SLC16A10: variants seen among roughly 807,000 people sequenced by gnomAD.
SLC16A10 encodes the protein solute carrier family 16 member 10.
Under a neutral mutation model 40.0 loss-of-function variants are expected in SLC16A10, and 27 were observed. That is an observed-to-expected ratio of 0.67 (90% CI 0.50 to 0.93). The LOEUF (loss-of-function observed/expected upper bound fraction) is 0.93. SLC16A10 is among the 40% of genes least tolerant of loss of function. SLC16A10 has a pLI of 0.00. For missense variants in SLC16A10, 529 were observed against 658.2 expected, an observed-to-expected ratio of 0.80 and a Z score of 2.15; for synonymous variants, 213 against 249.8, an observed-to-expected ratio of 0.85 and a Z score of 1.39.
intron 4 of SLC16A10, among the ~76,000 whole-genome samples, chr6:111,211,150 G>T (rs758032412): frequency 1.3e-5 from 2 of 152,172 alleles, no homozygotes; most frequent in Non-Finnish European, 2.9e-5. Flanking sequence ...TGCAAGAGGG[G>T]AGGAAGACCT....
chr6:111,115,735 T>G (rs781591692), intron 1 of SLC16A10, among the ~76,000 whole-genome samples: 38 of 152,182 alleles, frequency 2.5e-4, no homozygotes, highest in Non-Finnish European at 4.0e-4. Flanking sequence ...AGTAGTATCA[T>G]GCCTAGAGAT....
At position 111,224,535 on chromosome 6, in the gene SLC16A10, T is replaced by C. The variant is rs1324834839; in HGVS notation, c.*2300T>C. 2 of 152,212 alleles carry C rather than the reference T, an allele frequency of 1.3e-5. No homozygotes were observed. 9.4% of individuals were successfully genotyped at this position (152,212 alleles called of 1,614,324 possible). A position where few individuals can be genotyped will look rare whatever the true frequency, so the allele number is the denominator to read the frequency against. On this transcript the variant is annotated 3_prime_UTR_variant, in exon 6 of 6. Transcript: ENST00000368851. ...ATATTAAACTTCACATATGTAGTTT[T>C]CAGTTTAATGGAATGAATCAAACTG...
At chr6:111,161,938 G>T (rs1237571236) in intron 1 of SLC16A10, among the ~76,000 whole-genome samples, 1 of 152,172 alleles carries the variant, frequency 6.6e-6, no homozygotes, top group Non-Finnish European at 1.5e-5. Flanking sequence ...TATTGATCCA[G>T]ATTTTTACAT....
intron 1 of SLC16A10, among the ~76,000 whole-genome samples, chr6:111,127,921 A>G (rs573061756): frequency 6.6e-6 from 1 of 152,270 alleles, no homozygotes; most frequent in Admixed American, 6.5e-5. Context: ...ACATTGTTGA[A>G]ACTGTGGCTT....
At chr6:111,157,915 A>G (rs576365930) in intron 1 of SLC16A10, among the ~76,000 whole-genome samples, 1 of 151,654 alleles carries the variant, frequency 6.6e-6, no homozygotes, top group South Asian at 2.1e-4. Flanking sequence ...TAAAAAAAAA[A>G]AAAAGAAAAA....
chr6:111,184,263 C>T (rs1434083937), intron 3 of SLC16A10, among the ~76,000 whole-genome samples: 2 of 152,152 alleles, frequency 1.3e-5, no homozygotes, highest in Admixed American at 1.3e-4. Context: ...ATGACTGACT[C>T]ATATTGAAAT....
chr6:111,181,889 G>A (rs769175120), intron 3 of SLC16A10, among the ~76,000 whole-genome samples: 3 of 152,160 alleles, frequency 2.0e-5, no homozygotes, highest in Non-Finnish European at 4.4e-5. Flanking sequence ...TTCTAAAAAC[G>A]ATTCCTAGTA....
chr6:111,200,394 G>A (rs1032011203), intron 3 of SLC16A10, among the ~76,000 whole-genome samples: 1 of 152,148 alleles, frequency 6.6e-6, no homozygotes, highest in African/African-American at 2.4e-5. Flanking sequence ...TTTTATTTCA[G>A]TGTTTTCTGG....
At chr6:111,203,719 CAAAT>C (rs60881476) in intron 3 of SLC16A10, among the ~76,000 whole-genome samples, 33 of 138,148 alleles carry the variant, frequency 2.4e-4, no homozygotes, top group African/African-American at 3.2e-4. Flanking sequence ...AACCCCATCT[CAAAT>C]AAATAAATAA....
rs545592064 is a variant in SLC16A10, at chr6:111,161,051, C to T, written c.344-11644C>T. The stretch of plus-strand genomic sequence containing the variant: ...AAGCCTGACCAACATGGTGAAACCC[C>T]GTCTCTACTAAAAATACAAAAATTA... On this transcript the variant is annotated intron_variant, in intron 1 of 5. Transcript: ENST00000368851. Among the ~76,000 whole-genome samples, 157 of 151,570 alleles carry T rather than the reference C, an allele frequency of 1.0e-3. 1 individual carries two copies. Among genetic ancestry groups the T allele is most frequent in the African/African-American group, 3.4e-3 (142 of 41,352 alleles).
At chr6:111,177,060 TA>T (rs2114547555) in intron 2 of SLC16A10, 151 bp from the exon 3 acceptor site, 1 of 471,348 alleles carries the variant, frequency 2.1e-6, no homozygotes, top group African/African-American at 2.1e-5. Flanking sequence ...TTTTTCCCTC[TA>T]TTTTGGTTAA....
In SLC16A10 at chr6:111,226,022, C is replaced by G. The variant is rs1217784757; in HGVS notation, c.*3787C>G. On this transcript the variant is annotated 3_prime_UTR_variant, in exon 6 of 6. Coordinates refer to ENST00000368851, the MANE Select transcript of SLC16A10 (RefSeq NM_018593.5). ...CAATTTCGTGTATCCTGGTGAATGG[C>G]TTTCTCTCAGCCTTCGACTTAGTTC... 2 of 152,162 alleles carry G rather than the reference C, an allele frequency of 1.3e-5. No individual in the cohort carries two copies. Among genetic ancestry groups the G allele is most frequent in the Non-Finnish European group, 2.9e-5 (2 of 68,040 alleles). The allele number at this position is 152,162 out of a possible 1,614,324, so 9.4% of individuals were successfully genotyped here.
chr6:111,174,278 A>T (rs1190854782), intron 2 of SLC16A10, among the ~76,000 whole-genome samples: 2 of 152,146 alleles, frequency 1.3e-5, no homozygotes, highest in Non-Finnish European at 1.5e-5. Context: ...TAATGTGGTC[A>T]TTAAGGAAAA....
intron 1 of SLC16A10, among the ~76,000 whole-genome samples, chr6:111,139,599 C>T (rs867256292): frequency 2.0e-5 from 3 of 152,238 alleles, no homozygotes; most frequent in Non-Finnish European, 4.4e-5. Context: ...CACGCCCAGC[C>T]GATCTTGTTC....
intron 1 of SLC16A10, among the ~76,000 whole-genome samples, chr6:111,108,042 T>C (rs1734204883): frequency 6.6e-6 from 1 of 151,882 alleles, no homozygotes; most frequent in South Asian, 2.1e-4. Flanking sequence ...TTTTTTTAGT[T>C]GGAGTCTTAC....
In SLC16A10 at chr6:111,172,720, G is replaced by A; in HGVS notation, c.369G>A (p.Gly123=). 3 of 1,614,088 alleles carry A rather than the reference G, an allele frequency of 1.9e-6. No homozygotes were observed. The highest frequency in any genetic ancestry group is 1.1e-5 in the South Asian group (1 of 91,082). Reference sequence around the variant, plus strand: ...CATGGGTAGGTTCTCTCTCCATGGGGATGATTTTCTTTTGCTGCCCAATAG... The same window carrying A: ...CATGGGTAGGTTCTCTCTCCATGGGAATGATTTTCTTTTGCTGCCCAATAG... ...KTAWVGSLSM[G]MIFFCCPIVS... is the part of the protein sequence containing the mutation. The change falls in exon 2 of 6, where the codon GGG becomes GGA. Residue 123 remains glycine, a synonymous_variant. Transcript: ENST00000368851.
intron 4 of SLC16A10, among the ~76,000 whole-genome samples, chr6:111,213,548 T>C (rs1263842374): frequency 6.6e-6 from 1 of 152,234 alleles, no homozygotes; most frequent in Admixed American, 6.5e-5. Flanking sequence ...TGAGGGTATA[T>C]ACTTTATCAA....
chr6:111,203,064 G>A (rs1434620851), intron 3 of SLC16A10, among the ~76,000 whole-genome samples: 1 of 152,118 alleles, frequency 6.6e-6, no homozygotes, highest in African/African-American at 2.4e-5. Context: ...TTAAAAAATA[G>A]ATTAAGTATG....
intron 3 of SLC16A10, among the ~76,000 whole-genome samples, chr6:111,187,784 C>T (rs910731845): frequency 6.6e-6 from 1 of 152,174 alleles, no homozygotes; most frequent in African/African-American, 2.4e-5. Context: ...CTCAGAGTTG[C>T]CAAGAGCAAT....
Sources: allele counts gnomAD v4.1 joint callset (sites outside exome capture counted in the v4.1 genomes callset), GRCh38; gene constraint gnomAD v4.1.1; transcripts MANE v1.5; gene names NCBI Gene and HGNC (gene_info 2026-07-23, HGNC 2026-07-21).